ARMH3: variants seen among roughly 807,000 people sequenced by gnomAD.
The protein encoded by ARMH3 is armadillo like helical domain containing 3.
In ARMH3, 60 loss-of-function variants were observed where a neutral mutation model predicts 99.1. That is an observed-to-expected ratio of 0.61 (90% confidence interval 0.49 to 0.75). ARMH3 has a LOEUF of 0.75. ARMH3 is among the 30% of genes least tolerant of loss of function. The pLI is 0.00. For synonymous variants in ARMH3, 285 were observed against 292.8 expected, an observed-to-expected ratio of 0.97 and a Z score of 0.27; for missense variants, 679 against 843.1, an observed-to-expected ratio of 0.81 and a Z score of 2.41.
chr10:101,944,271 TATAGAGAGAGAGAGAGAGAGAG>T (rs1424052639), intron 22 of ARMH3, among the ~76,000 whole-genome samples: 10 of 40,024 alleles, frequency 2.5e-4, no homozygotes, highest in African/African-American at 8.5e-4. Flanking sequence ...TATATATATA[TATAGAGAGAGAGAGAGAGAGAG>T]AGAGAGAGAG....
At chr10:102,052,441 C>T (rs1259794148) in intron 1 of ARMH3, among the ~76,000 whole-genome samples, 4 of 152,164 alleles carry the variant, frequency 2.6e-5, no homozygotes, top group Admixed American at 2.6e-4. Flanking sequence ...CCAGGCTAAT[C>T]TTGAACTCTT....
intron 24 of ARMH3, among the ~76,000 whole-genome samples, chr10:101,883,133 G>C (rs2067457614): frequency 6.6e-6 from 1 of 152,170 alleles, no homozygotes; most frequent in Admixed American, 6.5e-5. Flanking sequence ...GTAGGAATAG[G>C]GCTGGGTGCA....
At chr10:101,853,078 A>C in intron 24 of ARMH3, among the ~76,000 whole-genome samples, 3 of 134,232 alleles carry the variant, frequency 2.2e-5, no homozygotes, top group East Asian at 2.1e-4. Context: ...TTTAGTAGAG[A>C]CGGGGTTTCA....
At chr10:101,985,078 TACACAC>T (rs35926257) in intron 19 of ARMH3, among the ~76,000 whole-genome samples, 381 of 136,216 alleles carry the variant, frequency 2.8e-3, no homozygotes, top group African/African-American at 8.6e-3. Context: ...AAAATATATA[TACACAC>T]ACACACACAC....
rs536450608 is a variant in ARMH3 at position 101,968,280 on chromosome 10, C to A, written c.1495+6932G>T. ...CCTATACCACCTGCTCCTTTCCCCC[C>A]ACCGTTTCCTAAAGGAGTGATAGCC... On this transcript the variant is annotated intron_variant, in intron 20 of 25. Coordinates refer to ENST00000370033, the MANE Select transcript of ARMH3 (RefSeq NM_024541.3). 1.5e-4 allele frequency among the ~76,000 whole-genome samples: 23 copies of A among 152,218 alleles called. No homozygotes were observed. The South Asian group carries it at 4.8e-3, about 32-fold the overall frequency.
intron 23 of ARMH3, among the ~76,000 whole-genome samples, chr10:101,909,923 A>G (rs1379398989): frequency 1.3e-5 from 2 of 152,194 alleles, no homozygotes; most frequent in African/African-American, 4.8e-5. Flanking sequence ...TATTTTGGGT[A>G]CTTTGGGTAA....
intron 1 of ARMH3, among the ~76,000 whole-genome samples, chr10:102,044,220 A>T (rs1245709839): frequency 6.7e-6 from 1 of 149,066 alleles, no homozygotes; most frequent in Non-Finnish European, 1.5e-5. Flanking sequence ...CAGCCTCCCC[A>T]GTAGCTGAGA....
At chr10:101,919,728 A>T (rs1205972858) in intron 23 of ARMH3, among the ~76,000 whole-genome samples, 2 of 152,170 alleles carry the variant, frequency 1.3e-5, no homozygotes, top group Non-Finnish European at 2.9e-5. Context: ...GTCTCTGCTC[A>T]CTATTTAAGA....
chr10:101,921,766 T>C (rs968940346), intron 23 of ARMH3, among the ~76,000 whole-genome samples: 9 of 152,106 alleles, frequency 5.9e-5, no homozygotes, highest in African/African-American at 2.2e-4. Flanking sequence ...CACTCATAGG[T>C]AGTAGCTAAA....
chr10:101,885,180 T>C (rs570287799), intron 24 of ARMH3, among the ~76,000 whole-genome samples: 46 of 151,468 alleles, frequency 3.0e-4, no homozygotes, highest in East Asian at 1.2e-3. Context: ...TGTGGAGAAA[T>C]TGGGATGTAA....
chr10:101,955,655 T>C (rs568403901), intron 22 of ARMH3, among the ~76,000 whole-genome samples: 89 of 152,346 alleles, frequency 5.8e-4, no homozygotes, highest in African/African-American at 1.9e-3. Context: ...GTTGGGATTT[T>C]CACAATTAAT....
chr10:101,957,544 T>C (rs1336108624), intron 21 of ARMH3, 106 bp downstream of exon 21: 4 of 1,239,758 alleles, frequency 3.2e-6, no homozygotes, highest in African/African-American at 1.5e-5. Flanking sequence ...ATAGGTCTGG[T>C]TCCCTCTATG....
At chr10:101,917,623 A>G (rs567350206) in intron 23 of ARMH3, among the ~76,000 whole-genome samples, 1 of 152,304 alleles carries the variant, frequency 6.6e-6, no homozygotes, top group African/African-American at 2.4e-5. Flanking sequence ...TGGAAGGTCT[A>G]CTTTGGAAAA....
intron 24 of ARMH3, among the ~76,000 whole-genome samples, chr10:101,865,012 C>G (rs754361921): frequency 3.3e-4 from 50 of 151,480 alleles, no homozygotes; most frequent in Middle Eastern, 6.8e-3. Context: ...GTCAGAAGAT[C>G]GAGACCATCA....
chr10:102,026,522 G>A (rs1385299364), intron 5 of ARMH3, among the ~76,000 whole-genome samples: 1 of 152,144 alleles, frequency 6.6e-6, no homozygotes, highest in African/African-American at 2.4e-5. Flanking sequence ...AATTCAATAG[G>A]AATTGGGGAG....
intron 8 of ARMH3, among the ~76,000 whole-genome samples, chr10:102,023,226 G>A (rs1045785533): frequency 1.3e-5 from 2 of 151,294 alleles, no homozygotes; most frequent in Non-Finnish European, 2.9e-5. Flanking sequence ...ATTCTAATAA[G>A]CTGGTATGGG....
chr10:101,947,075 C>A (rs1465088075), intron 22 of ARMH3, among the ~76,000 whole-genome samples: 1 of 151,944 alleles, frequency 6.6e-6, no homozygotes. Context: ...GTAATCCCAG[C>A]TACTCGGGAG....
At chr10:102,044,357 G>A (rs34516258) in intron 1 of ARMH3, among the ~76,000 whole-genome samples, 11,935 of 150,932 alleles carry the variant, frequency 0.079, 601 homozygotes, top group East Asian at 0.15. Context: ...TTACAGGCAT[G>A]AGCCACCATG....
chr10:101,936,167 T>C (rs1175213779), intron 23 of ARMH3, among the ~76,000 whole-genome samples: 1 of 151,872 alleles, frequency 6.6e-6, no homozygotes, highest in Non-Finnish European at 1.5e-5. Flanking sequence ...CAAAACACCT[T>C]TCAAGGTTAA....
Sources: gnomAD v4.1 joint callset for allele counts (sites outside exome capture counted in the v4.1 genomes callset) on GRCh38, gnomAD v4.1.1 for gene constraint, MANE v1.5 for transcripts, NCBI Gene and HGNC (gene_info 2026-07-23, HGNC 2026-07-21) for gene names.